The following LAMA3 variants were observed in gnomAD, a reference collection of about 807,000 sequenced individuals.
LAMA3 encodes the protein laminin subunit alpha 3.
LAMA3 carries 281 observed loss-of-function variants against 402.0 expected under a neutral mutation model. That is an observed-to-expected ratio of 0.70 (90% CI 0.63 to 0.77). The LOEUF (loss-of-function observed/expected upper bound fraction) is 0.77. Among genes scored for constraint, LAMA3 ranks in the 30% least tolerant of loss-of-function variants. The pLI, the probability that LAMA3 is intolerant of heterozygous loss-of-function variation, is 0.00. For missense variants in LAMA3, 3,840 were observed against 4,215.5 expected, an observed-to-expected ratio of 0.91 and a Z score of 2.47; for synonymous variants, 1,431 against 1,558.4, an observed-to-expected ratio of 0.92 and a Z score of 1.93.
chr18:23,748,156 T>G, intron 3 of LAMA3, 96 bp downstream of exon 3: 9 of 872,516 alleles, frequency 1.0e-5, no homozygotes, highest in Non-Finnish European at 1.7e-5. Context: ...TGGCTGGGTG[T>G]GGTGGCTCAC....
intron 23 of LAMA3, 131 bp from the exon 24 acceptor site, chr18:23,833,697 T>G: frequency 1.0e-6 from 1 of 967,198 alleles, no homozygotes; most frequent in Non-Finnish European, 1.6e-6. Flanking sequence ...AGGACCATAT[T>G]CCTTACTGGG....
At chr18:23,933,209 G>A (rs2082217669) in intron 66 of LAMA3, among the ~76,000 whole-genome samples, 1 of 151,968 alleles carries the variant, frequency 6.6e-6, no homozygotes, top group East Asian at 1.9e-4. Flanking sequence ...TTTTACGTTC[G>A]TATTTCCACA....
chr18:23,843,923 G>A (rs781389471), intron 29 of LAMA3, among the ~76,000 whole-genome samples: 14 of 152,058 alleles, frequency 9.2e-5, no homozygotes, highest in Non-Finnish European at 2.1e-4. Flanking sequence ...TTCTCTACCT[G>A]GATAAGTCCA....
At chr18:23,852,789 C>A (rs1249491719) in intron 32 of LAMA3, among the ~76,000 whole-genome samples, 1 of 152,112 alleles carries the variant, frequency 6.6e-6, no homozygotes, top group Middle Eastern at 3.2e-3. Flanking sequence ...ACTTTTAGTA[C>A]CTTTTTGTTT....
chr18:23,705,318 C>T (rs1319789165), intron 1 of LAMA3, among the ~76,000 whole-genome samples: 15 of 151,934 alleles, frequency 9.9e-5, no homozygotes, highest in Non-Finnish European at 1.0e-4. Context: ...ACATCAGGCA[C>T]GGAGTTAGAT....
chr18:23,914,372 A>G, intron 56 of LAMA3, 38 bp from the exon 57 acceptor site: 1 of 1,613,502 alleles, frequency 6.2e-7, no homozygotes, highest in South Asian at 1.1e-5. Flanking sequence ...TTGAGAAACC[A>G]CAATGTGAAG....
At chr18:23,855,606 G>A (rs1442116566) in intron 32 of LAMA3, among the ~76,000 whole-genome samples, 1 of 152,178 alleles carries the variant, frequency 6.6e-6, no homozygotes, top group African/African-American at 2.4e-5. Context: ...ATAAGAGAAT[G>A]CAAAATTGTG....
rs530899333 is a variant in LAMA3 at position 23,862,762 on chromosome 18, C to T, written c.4584+955C>T. Among the ~76,000 whole-genome samples the T allele has an allele frequency of 2.6e-5, 4 of 152,234 alleles. No individual in the cohort carries two copies. The East Asian group carries it at 7.7e-4, about 29-fold the overall frequency. On this transcript the variant is annotated intron_variant, in intron 35 of 74. Coordinates refer to ENST00000313654, the MANE Select transcript of LAMA3 (RefSeq NM_198129.4). Reference sequence around the variant, plus strand: ...GGATGAGGAATTCAGGAGGGGATGGCCCAGAGTCTTCCTAGGTTACTGTCA... The same window carrying T: ...GGATGAGGAATTCAGGAGGGGATGGTCCAGAGTCTTCCTAGGTTACTGTCA...
rs566515436 is a variant in LAMA3, at chr18:23,843,248, A to G, written c.3603+498A>G. On this transcript the variant is annotated intron_variant, in intron 29 of 74. Transcript: ENST00000313654. The stretch of plus-strand genomic sequence containing the variant: ...GAAGGACACCCACATCTGTGAGGTC[A>G]TCTCTGATCTTTCCTGAACTCCAGT... Among the ~76,000 whole-genome samples the G allele has an allele frequency of 3.3e-4, 50 of 152,208 alleles. No individual in the cohort carries two copies. In the South Asian group the frequency reaches 5.2e-3, roughly 16 times the overall value.
intron 74 of LAMA3, 73 bp from the exon 75 acceptor site, chr18:23,954,425 ACTATC>A: frequency 8.7e-7 from 1 of 1,147,168 alleles, no homozygotes; most frequent in Non-Finnish European, 1.3e-6. Context: ...AAAAAAAAAT[ACTATC>A]TTTTAAAATC....
chr18:23,896,998 C>T (rs925483925), intron 44 of LAMA3, among the ~76,000 whole-genome samples: 2 of 151,998 alleles, frequency 1.3e-5, no homozygotes, highest in Admixed American at 6.6e-5. Context: ...GATGAGTTCA[C>T]TTCGGATAAA....
At chr18:23,776,944 G>A (rs1187409286) in intron 10 of LAMA3, among the ~76,000 whole-genome samples, 3 of 150,894 alleles carry the variant, frequency 2.0e-5, no homozygotes, top group South Asian at 2.1e-4. Context: ...AGGTTCAAGC[G>A]ATTCTCCTGC....
chr18:23,757,435 C>G (rs762445940), intron 6 of LAMA3, among the ~76,000 whole-genome samples: 1 of 151,788 alleles, frequency 6.6e-6, no homozygotes, highest in South Asian at 2.1e-4. Context: ...CCTCCCCTTC[C>G]TCCTCTCCAG....
intron 61 of LAMA3, 40 bp from the exon 62 acceptor site, chr18:23,921,412 A>G (rs572798645): frequency 2.1e-5 from 33 of 1,606,338 alleles, no homozygotes; most frequent in Non-Finnish European, 2.5e-5. Context: ...GGATTCTCTT[A>G]TTTTCGCTGG....
chr18:23,937,192 C>G (rs1397469829), intron 67 of LAMA3, among the ~76,000 whole-genome samples: 2 of 151,818 alleles, frequency 1.3e-5, no homozygotes, highest in Admixed American at 1.3e-4. Context: ...ATGGTGAAAC[C>G]CCGTCTCTAC....
chr18:23,695,565 T>G (rs1421237851), intron 1 of LAMA3, among the ~76,000 whole-genome samples: 2 of 151,996 alleles, frequency 1.3e-5, no homozygotes, highest in African/African-American at 2.4e-5. Context: ...CTCATACTTA[T>G]AATCCTAGCA....
At chr18:23,742,877 T>G (rs993113378) in intron 2 of LAMA3, among the ~76,000 whole-genome samples, 1 of 152,226 alleles carries the variant, frequency 6.6e-6, no homozygotes, top group Non-Finnish European at 1.5e-5. Flanking sequence ...GACAGACTGA[T>G]CTCACTTTTA....
rs540157577 is a variant in LAMA3, at chr18:23,871,560, G to A, written c.4897G>A (p.Glu1633Lys). The A allele has an allele frequency of 8.1e-6, 13 of 1,614,210 alleles. No homozygotes were observed. Among genetic ancestry groups the A allele is most frequent in the African/African-American group, 6.7e-5 (5 of 75,066 alleles). ...FTETQRLTLSEVGLEEASDTG... is the reference protein window; with the variant it reads ...FTETQRLTLSKVGLEEASDTG... ...AGAGACTCAAAGGCTCACCCTGAGCGAGGTGGGGCTAGAGGAAGCCTCTGA... is the reference window on the plus strand; with the variant it reads ...AGAGACTCAAAGGCTCACCCTGAGCAAGGTGGGGCTAGAGGAAGCCTCTGA... Residue 1633 changes from glutamate to lysine, a missense_variant, in exon 38 of 75, where the codon GAG becomes AAG. Transcript: ENST00000313654.
chr18:23,919,348 T>C (rs978231887), intron 60 of LAMA3, among the ~76,000 whole-genome samples: 3 of 152,226 alleles, frequency 2.0e-5, no homozygotes, highest in Non-Finnish European at 4.4e-5. Context: ...ATTGCTCAGC[T>C]TATCTTAGGG....
Sources: gnomAD v4.1 joint callset for allele counts (sites outside exome capture counted in the v4.1 genomes callset) on GRCh38, gnomAD v4.1.1 for gene constraint, MANE v1.5 for transcripts, NCBI Gene and HGNC (gene_info 2026-07-23, HGNC 2026-07-21) for gene names.